GALNT13: variants seen among roughly 807,000 people sequenced by gnomAD.
GALNT13 encodes polypeptide N-acetylgalactosaminyltransferase 13, also known as UDP-GalNAc:polypeptide N-acetylgalactosaminyltransferase 13.
In GALNT13, 28 loss-of-function variants were observed where a neutral mutation model predicts 64.2. That is an observed-to-expected ratio of 0.44 (90% CI 0.32 to 0.60). GALNT13 has a LOEUF of 0.60. GALNT13 is among the 20% of genes least tolerant of loss of function. GALNT13 has a pLI of 0.05. For missense variants in GALNT13, 577 were observed against 669.8 expected, an observed-to-expected ratio of 0.86 and a Z score of 1.53; for synonymous variants, 214 against 224.6, an observed-to-expected ratio of 0.95 and a Z score of 0.42.
chr2:153,994,840 T>A (rs1490335621), intron 3 of GALNT13, among the ~76,000 whole-genome samples: 1 of 152,130 alleles, frequency 6.6e-6, no homozygotes, highest in African/African-American at 2.4e-5. Flanking sequence ...ATGAGTAGAT[T>A]GCAAAAATTT....
chr2:153,147,934 T>C, the GALNT13 span, among the ~76,000 whole-genome samples: 4 of 151,832 alleles, frequency 2.6e-5, no homozygotes, highest in Non-Finnish European at 4.4e-5. Flanking sequence ...CCAAGATCCA[T>C]TGTAGAACCT....
chr2:153,310,731 G>A, the GALNT13 span, among the ~76,000 whole-genome samples: 1 of 152,046 alleles, frequency 6.6e-6, no homozygotes, highest in Non-Finnish European at 1.5e-5. Flanking sequence ...TGACTCTCAG[G>A]TTTTCTGGGA....
chr2:153,552,973 C>G, the GALNT13 span, among the ~76,000 whole-genome samples: 1 of 152,146 alleles, frequency 6.6e-6, no homozygotes, highest in South Asian at 2.1e-4. Context: ...AGCTCACCTC[C>G]TGCTGTGTGA....
chr2:153,082,599 A>G, the GALNT13 span, among the ~76,000 whole-genome samples: 1 of 46,530 alleles, frequency 2.1e-5, no homozygotes, highest in Non-Finnish European at 4.1e-5. Context: ...ATATATATAT[A>G]TATATATATA....
intron 3 of GALNT13, among the ~76,000 whole-genome samples, chr2:153,979,639 C>A (rs550034075): frequency 6.6e-6 from 1 of 152,208 alleles, no homozygotes; most frequent in South Asian, 2.1e-4. Context: ...AAATGCGCAT[C>A]ATAATTATTC....
chr2:153,507,494 T>C, the GALNT13 span, among the ~76,000 whole-genome samples: 1 of 152,192 alleles, frequency 6.6e-6, no homozygotes, highest in East Asian at 1.9e-4. Flanking sequence ...TTGGCCAGGA[T>C]GGTCTCTATC....
At chr2:154,399,124 C>A (rs1699183620) in intron 10 of GALNT13, among the ~76,000 whole-genome samples, 1 of 152,108 alleles carries the variant, frequency 6.6e-6, no homozygotes, top group African/African-American at 2.4e-5. Context: ...TATTAAATAA[C>A]TAAGAGCATG....
chr2:153,991,582 C>G (rs1343192916), intron 3 of GALNT13, among the ~76,000 whole-genome samples: 1 of 152,048 alleles, frequency 6.6e-6, no homozygotes, highest in Non-Finnish European at 1.5e-5. Context: ...TCTTTGGCCA[C>G]TTTACAAGAA....
the GALNT13 span, among the ~76,000 whole-genome samples, chr2:153,722,915 A>G: frequency 6.6e-6 from 1 of 151,558 alleles, no homozygotes; most frequent in Admixed American, 6.6e-5. Flanking sequence ...AACTATTCCA[A>G]TCAATAGAAA....
the GALNT13 span, among the ~76,000 whole-genome samples, chr2:153,622,573 A>G: frequency 1.2e-4 from 19 of 152,204 alleles, no homozygotes; most frequent in Non-Finnish European, 2.2e-4. Context: ...TTTCTCAGGC[A>G]CACATAATAG....
At chr2:153,703,054 T>C in the GALNT13 span, among the ~76,000 whole-genome samples, 438 of 152,218 alleles carry the variant, frequency 2.9e-3, 4 homozygotes, top group African/African-American at 0.01. Flanking sequence ...GAGACGTTTA[T>C]AGGGGGTGAG....
chr2:153,261,140 A>G, the GALNT13 span, among the ~76,000 whole-genome samples: 2 of 152,050 alleles, frequency 1.3e-5, no homozygotes, highest in African/African-American at 4.8e-5. Flanking sequence ...GCTTCCCCCA[A>G]AGAGCTATTT....
At position 154,134,778 on chromosome 2, in the gene GALNT13, G is replaced by A. The variant is rs143150072; in HGVS notation, c.143-5559G>A. Among the ~76,000 whole-genome samples the A allele has an allele frequency of 2.2e-3, 336 of 152,262 alleles. 2 individuals are homozygous for A. The highest frequency in any genetic ancestry group is 7.3e-3 in the African/African-American group (303 of 41,544). ...AGGCCTAGGTGGAAAGATCACCTGG[G>A]GTCAGGAGTTCGAGACCCGCCTGGC... On this transcript the variant is annotated intron_variant, in intron 3 of 12. Transcript: ENST00000392825.
upstream of GALNT13, among the ~76,000 whole-genome samples, chr2:153,867,044 G>A (rs888730681): frequency 4.6e-5 from 7 of 152,018 alleles, no homozygotes; most frequent in Non-Finnish European, 5.9e-5. Flanking sequence ...AAGAATGCCC[G>A]TGCATTATAA....
At chr2:154,414,693 G>A (rs947985113) in intron 11 of GALNT13, among the ~76,000 whole-genome samples, 1 of 151,722 alleles carries the variant, frequency 6.6e-6, no homozygotes, top group African/African-American at 2.4e-5. Context: ...GGGTTGAAAG[G>A]GGTCTTTTTT....
At chr2:153,662,508 A>T in the GALNT13 span, among the ~76,000 whole-genome samples, 2 of 152,192 alleles carry the variant, frequency 1.3e-5, no homozygotes, top group South Asian at 4.1e-4. Context: ...CAGGAAGTCA[A>T]ACCTAACAGC....
At chr2:154,087,237 T>G (rs1052647152) in intron 3 of GALNT13, among the ~76,000 whole-genome samples, 2 of 152,058 alleles carry the variant, frequency 1.3e-5, no homozygotes, top group Non-Finnish European at 2.9e-5. Context: ...TTTTTCAGAC[T>G]CTTCTGTAGA....
the GALNT13 span, among the ~76,000 whole-genome samples, chr2:153,669,034 C>G: frequency 1.3e-5 from 2 of 152,110 alleles, no homozygotes; most frequent in Non-Finnish European, 2.9e-5. Flanking sequence ...TCCCAAGGAC[C>G]CAGCTTGGCC....
chr2:154,407,043 C>A (rs1056952724), intron 10 of GALNT13, among the ~76,000 whole-genome samples: 1 of 152,224 alleles, frequency 6.6e-6, no homozygotes, highest in Admixed American at 6.5e-5. Context: ...TCCGATAAGT[C>A]CCTTTCCAGT....
Sources: allele counts gnomAD v4.1 joint callset (sites outside exome capture counted in the v4.1 genomes callset), GRCh38; gene constraint gnomAD v4.1.1; transcripts MANE v1.5; gene names NCBI Gene and HGNC (gene_info 2026-07-23, HGNC 2026-07-21).